ZNF43: variants seen among roughly 807,000 people sequenced by gnomAD.
ZNF43 encodes the protein zinc finger protein 39-like 1 (KOX 27).
A neutral mutation model predicts 68.4 loss-of-function variants in ZNF43; 44 were observed. That is an observed-to-expected ratio of 0.64 (90% confidence interval 0.51 to 0.83). The LOEUF is 0.83. ZNF43 is among the 40% of genes least tolerant of loss of function. The pLI is 0.00. For synonymous variants in ZNF43, 308 were observed against 307.8 expected (o/e 1.00, Z -0.01); for missense variants, 896 against 933.2 (o/e 0.96, Z 0.52).
rs995257123 is a variant in ZNF43, at chr19:21,819,122, C to T, written c.103G>A (p.Glu35Lys). 2.5e-6 allele frequency: 4 copies of T among 1,611,802 alleles called. No individual in the cohort carries two copies. Among genetic ancestry groups the T allele is most frequent in the Non-Finnish European group, 3.4e-6 (4 of 1,178,950 alleles). Residue 35 changes from glutamate (E) to lysine (K), a missense_variant, in exon 2 of 4, where the codon GAG becomes AAG. Transcript: ENST00000354959. ...AGGAAGACCAGGTTTCTGTAGTTCT[C>T]TAACATCACATTCCTATATAAATTC... ...QQNLYRNVMLENYRNLVFLGI... is the reference protein window; with the variant it reads ...QQNLYRNVMLKNYRNLVFLGI...
intron 1 of ZNF43, among the ~76,000 whole-genome samples, chr19:21,825,127 G>A (rs189399815): frequency 4.6e-5 from 7 of 152,180 alleles, no homozygotes; most frequent in Admixed American, 1.3e-4. Context: ...CCAGCTACTC[G>A]GGAGGCTAAG....
intron 1 of ZNF43, among the ~76,000 whole-genome samples, chr19:21,834,986 G>A (rs2145343132): frequency 6.8e-6 from 1 of 146,648 alleles, no homozygotes; most frequent in East Asian, 2.1e-4. Context: ...ATTTTTAAGT[G>A]CTGTAATCCT....
chr19:21,811,990 T>C, intron 3 of ZNF43: 1 of 398,298 alleles, frequency 2.5e-6, no homozygotes, highest in South Asian at 1.3e-4. Context: ...AACAGAAAAA[T>C]TTAACTACAC....
In ZNF43 at chr19:21,807,967, G is replaced by A. The variant is rs1163380489; in HGVS notation, c.2070C>T (p.Ser690=). The A allele has an allele frequency of 6.2e-7, 1 of 1,612,316 alleles. No homozygotes were observed. The highest frequency in any genetic ancestry group is 2.2e-5 in the East Asian group (1 of 44,778). Residue 690 remains serine, a synonymous_variant, in exon 4 of 4, where the codon TCC becomes TCT. Transcript: ENST00000354959. ...TAATCTTATGTGTAGAAAGGGTTGA[G>A]GACAGTTTAAAAGCTTTGCCACATT... ...CEECGKAFKL[S]STLSTHKIIH...
chr19:21,818,184 T>C (rs529180472), intron 2 of ZNF43, among the ~76,000 whole-genome samples, 198 bp from the exon 3 acceptor site: 1 of 151,840 alleles, frequency 6.6e-6, no homozygotes, highest in South Asian at 2.1e-4. Flanking sequence ...CCCCCTGCAA[T>C]CTCCACCTCC....
chr19:21,843,272 G>A (rs1162931661), intron 1 of ZNF43: 9 of 652,930 alleles, frequency 1.4e-5, no homozygotes, highest in South Asian at 1.4e-4. Flanking sequence ...ACTGGGCCCA[G>A]GCAGGAGAGT....
In ZNF43 at chr19:21,808,809, A is replaced by T; in HGVS notation, c.1228T>A (p.Ser410Thr). The change falls in exon 4 of 4, where the codon TCC becomes ACC. Residue 410 changes from serine (S) to threonine (T), a missense_variant. By Grantham distance (58) the Ser-to-Thr change is moderately conservative. Transcript: ENST00000354959. ...AACTTATGTTCAGTAAGCTTTGAGG[A>T]CCACTTAAAAGCTTTGCCACATTCT... ...CEECGKAFKW[S>T]SKLTEHKLTH... The T allele has an allele frequency of 5.6e-6, 9 of 1,610,754 alleles. No individual in the cohort carries two copies. The highest frequency in any genetic ancestry group is 7.6e-6 in the Non-Finnish European group (9 of 1,179,412).
chr19:21,842,416 A>T (rs971630547), intron 1 of ZNF43, among the ~76,000 whole-genome samples: 1 of 151,452 alleles, frequency 6.6e-6, no homozygotes, highest in African/African-American at 2.4e-5. Context: ...TCAAAAAAAA[A>T]AAAAAACAAT....
At chr19:21,844,372 A>C (rs894005201) in intron 1 of ZNF43, among the ~76,000 whole-genome samples, 2 of 148,906 alleles carry the variant, frequency 1.3e-5, no homozygotes, top group African/African-American at 5.0e-5. Context: ...AAAAAAAAAA[A>C]GATACACAAA....
intron 1 of ZNF43, among the ~76,000 whole-genome samples, chr19:21,821,258 G>T (rs1182813717): frequency 6.7e-6 from 1 of 149,596 alleles, no homozygotes; most frequent in African/African-American, 2.5e-5. Context: ...TCATTCTCCC[G>T]CCTCAGCCTC....
chr19:21,842,665 C>T (rs1023954242), intron 1 of ZNF43, among the ~76,000 whole-genome samples: 1 of 152,128 alleles, frequency 6.6e-6, no homozygotes, highest in East Asian at 1.9e-4. Context: ...ATGGCACAAT[C>T]ACCCCAGTGG....
chr19:21,833,835 G>A (rs1044166217), intron 1 of ZNF43, among the ~76,000 whole-genome samples: 1 of 151,758 alleles, frequency 6.6e-6, no homozygotes, highest in African/African-American at 2.4e-5. Context: ...TGAGAACAGC[G>A]TGACCAACAT....
chr19:21,843,329 G>C, intron 1 of ZNF43: 2 of 982,808 alleles, frequency 2.0e-6, no homozygotes, highest in Non-Finnish European at 2.4e-6. Context: ...AATCACACCT[G>C]CAGAAAGACC....
chr19:21,823,727 C>T (rs2037966983), intron 1 of ZNF43, among the ~76,000 whole-genome samples: 1 of 152,064 alleles, frequency 6.6e-6, no homozygotes, highest in African/African-American at 2.4e-5. Flanking sequence ...GCAACCACAC[C>T]TGGCTAATTT....
At chr19:21,836,635 A>G (rs1024449900), upstream of ZNF43, among the ~76,000 whole-genome samples, 1 of 152,172 alleles carries the variant, frequency 6.6e-6, no homozygotes, top group Non-Finnish European at 1.5e-5. Context: ...CCCAGGCTGG[A>G]GTGCAGGGTC....
rs59463041 is a variant in ZNF43, at chr19:21,805,940, ATTTT to A, written c.*1663_*1666del. ...ATTGAATGTACAATGGTCTTAACACATTTTTTTAAAAGTTATATTTACATGTAAT... is the reference window on the plus strand; with the variant it reads ...ATTGAATGTACAATGGTCTTAACACATTTAAAAGTTATATTTACATGTAAT... On this transcript the variant is annotated 3_prime_UTR_variant, in exon 4 of 4. Coordinates refer to ENST00000354959, the MANE Select transcript of ZNF43 (RefSeq NM_003423.4). 2 of 152,186 alleles carry A rather than the reference ATTTT, an allele frequency of 1.3e-5. No homozygotes were observed. The highest frequency in any genetic ancestry group is 1.3e-4 in the Admixed American group (2 of 15,288). The allele number at this position is 152,186 out of a possible 1,614,324, so 9.4% of individuals were successfully genotyped here.
rs771130426 is a variant in ZNF43, at chr19:21,819,118, T to C, written c.107A>G (p.Asn36Ser). Residue 36 changes from asparagine (N) to serine (S), a missense_variant, in exon 2 of 4, where the codon AAC (asparagine) becomes AGC (serine). By Grantham distance (46) the Asn-to-Ser change is conservative. Transcript: ENST00000354959. ...ACCCAGGAAGACCAGGTTTCTGTAG[T>C]TCTCTAACATCACATTCCTATATAA... is the stretch of plus-strand genomic sequence containing the variant. ...QNLYRNVMLE[N>S]YRNLVFLGIA... is the part of the protein sequence containing the mutation. 1.9e-6 allele frequency: 3 copies of C among 1,611,544 alleles called. No individual in the cohort carries two copies. The highest frequency in any genetic ancestry group is 2.2e-5 in the South Asian group (2 of 90,672).
chr19:21,823,543 T>C (rs2037954379), intron 1 of ZNF43, among the ~76,000 whole-genome samples: 1 of 149,766 alleles, frequency 6.7e-6, no homozygotes, highest in Admixed American at 6.7e-5. Flanking sequence ...GACTGCCCAA[T>C]GATAAGCCGG....
chr19:21,844,059 C>T (rs371966944), intron 1 of ZNF43, among the ~76,000 whole-genome samples: 2 of 152,212 alleles, frequency 1.3e-5, no homozygotes, highest in East Asian at 3.9e-4. Context: ...ATACAATATA[C>T]AGGAGAGTCA....
Sources: gnomAD v4.1 joint callset for allele counts (sites outside exome capture counted in the v4.1 genomes callset) on GRCh38, gnomAD v4.1.1 for gene constraint, MANE v1.5 for transcripts, NCBI Gene and HGNC (gene_info 2026-07-23, HGNC 2026-07-21) for gene names.